Variants in MAGI2 observed in about 807,000 individuals in gnomAD.
The protein encoded by MAGI2 is membrane associated guanylate kinase, WW and PDZ domain containing 2, also known as membrane-associated guanylate kinase, WW and PDZ domain-containing protein 2.
A neutral mutation model predicts 133.3 loss-of-function variants in MAGI2; 35 were observed. The observed-to-expected ratio is 0.26, with a 90% CI of 0.20 to 0.35. The LOEUF (loss-of-function observed/expected upper bound fraction) is 0.35. MAGI2 is among the 10% of genes least tolerant of loss of function. The pLI is 1.00. For synonymous variants in MAGI2, 729 were observed against 710.6 expected, an observed-to-expected ratio of 1.03 and a Z score of -0.41; for missense variants, 1,636 against 1,863.4, an observed-to-expected ratio of 0.88 and a Z score of 2.25.
chr7:78,543,806 G>T (rs1276513343), intron 3 of MAGI2, among the ~76,000 whole-genome samples: 1 of 152,208 alleles, frequency 6.6e-6, no homozygotes, highest in Non-Finnish European at 1.5e-5. Context: ...TTTTAAAAAG[G>T]TGAGTGCTGA....
At chr7:79,338,207 G>T (rs1424419741) in intron 1 of MAGI2, among the ~76,000 whole-genome samples, 1 of 152,142 alleles carries the variant, frequency 6.6e-6, no homozygotes, top group Non-Finnish European at 1.5e-5. Flanking sequence ...TTGTTTATTT[G>T]TTGCTGTTCT....
At chr7:79,006,983 G>C (rs1807515212) in intron 2 of MAGI2, 107 bp downstream of exon 2, 1 of 773,216 alleles carries the variant, frequency 1.3e-6, no homozygotes, top group Admixed American at 2.9e-5. Flanking sequence ...TGTTCCAAAA[G>C]CCCACTATAA....
At chr7:78,792,068 T>A (rs986737027) in intron 2 of MAGI2, among the ~76,000 whole-genome samples, 1 of 152,172 alleles carries the variant, frequency 6.6e-6, no homozygotes, top group African/African-American at 2.4e-5. Context: ...ATGGTAAAAT[T>A]AGTCATTAGG....
At chr7:78,535,620 A>G (rs79086515) in intron 3 of MAGI2, among the ~76,000 whole-genome samples, 5,700 of 152,100 alleles carry the variant, frequency 0.037, 190 homozygotes, top group South Asian at 0.086. Context: ...TGCAGGCTGA[A>G]CTAACTTTGG....
At chr7:79,138,976 C>CAAAA (rs57907314) in intron 1 of MAGI2, among the ~76,000 whole-genome samples, 3 of 65,186 alleles carry the variant, frequency 4.6e-5, no homozygotes, top group Non-Finnish European at 6.1e-5. Flanking sequence ...ACTCTTGTCT[C>CAAAA]AAAAAAAAAA....
At chr7:79,012,085 A>C (rs922615645) in intron 1 of MAGI2, 2 of 152,012 alleles carry the variant, frequency 1.3e-5, no homozygotes, top group African/African-American at 4.8e-5. Context: ...TTCTTCCAGG[A>C]AATGGCTATA....
At chr7:79,324,311 T>C (rs886648825) in intron 1 of MAGI2, among the ~76,000 whole-genome samples, 3 of 150,948 alleles carry the variant, frequency 2.0e-5, no homozygotes, top group Non-Finnish European at 4.4e-5. Flanking sequence ...AAATATTCAA[T>C]AAAACTTAGG....
intron 2 of MAGI2, among the ~76,000 whole-genome samples, chr7:78,954,094 G>A (rs561166142): frequency 6.6e-6 from 1 of 151,990 alleles, no homozygotes; most frequent in African/African-American, 2.4e-5. Context: ...TTTAAGGTTC[G>A]CCTTTGTCAT....
chr7:79,287,412 G>T (rs957247137), intron 1 of MAGI2, among the ~76,000 whole-genome samples: 2 of 152,024 alleles, frequency 1.3e-5, no homozygotes, highest in Non-Finnish European at 2.9e-5. Flanking sequence ...CACCTTAGAC[G>T]CCTCCCTCCC....
chr7:78,863,059 A>C (rs995771306), intron 2 of MAGI2, among the ~76,000 whole-genome samples: 4 of 152,224 alleles, frequency 2.6e-5, no homozygotes, highest in Non-Finnish European at 5.9e-5. Flanking sequence ...CTTTATGTGG[A>C]TCCAAATAAA....
intron 15 of MAGI2, among the ~76,000 whole-genome samples, chr7:78,163,872 A>C (rs954230027): frequency 2.1e-5 from 3 of 145,652 alleles, no homozygotes; most frequent in Middle Eastern, 3.6e-3. Context: ...GCGCCACTGC[A>C]CTCCAGCCTG....
chr7:79,156,625 C>T (rs540039404), intron 1 of MAGI2, among the ~76,000 whole-genome samples: 47 of 152,142 alleles, frequency 3.1e-4, no homozygotes, highest in Middle Eastern at 3.4e-3. Flanking sequence ...ATTGCCCCAC[C>T]TTTCTGGACC....
intron 2 of MAGI2, among the ~76,000 whole-genome samples, chr7:78,914,331 C>A (rs1329968368): frequency 6.6e-6 from 1 of 151,936 alleles, no homozygotes; most frequent in Non-Finnish European, 1.5e-5. Context: ...CTACAAAGAA[C>A]AAATGTAATT....
At chr7:78,883,148 T>C (rs1415940399) in intron 2 of MAGI2, among the ~76,000 whole-genome samples, 1 of 152,118 alleles carries the variant, frequency 6.6e-6, no homozygotes, top group Non-Finnish European at 1.5e-5. Flanking sequence ...ATGACTTTAG[T>C]AAACTCCTAG....
intron 1 of MAGI2, among the ~76,000 whole-genome samples, chr7:79,293,125 A>G (rs941443352): frequency 5.9e-5 from 9 of 152,180 alleles, no homozygotes; most frequent in African/African-American, 2.2e-4. Flanking sequence ...TGAACAGAGC[A>G]TGTTTATTCC....
intron 1 of MAGI2, among the ~76,000 whole-genome samples, chr7:79,171,797 G>T (rs1585112588): frequency 1.9e-5 from 1 of 51,952 alleles, no homozygotes; most frequent in African/African-American, 4.5e-5. Context: ...CTTTTAAAGG[G>T]TCTCCAAAAT....
chr7:78,462,608 T>C (rs966906988), intron 6 of MAGI2, among the ~76,000 whole-genome samples: 3 of 152,234 alleles, frequency 2.0e-5, no homozygotes, highest in Non-Finnish European at 4.4e-5. Flanking sequence ...GCTGATTTAG[T>C]GGAAGCAAAT....
intron 6 of MAGI2, among the ~76,000 whole-genome samples, chr7:78,436,182 CA>C (rs1370977713): frequency 1.2e-4 from 19 of 152,102 alleles, no homozygotes; most frequent in African/African-American, 4.6e-4. Context: ...TTAATAGGCC[CA>C]CTTAGGGTTG....
chr7:79,372,040 A>C (rs974964564), intron 1 of MAGI2, among the ~76,000 whole-genome samples: 1 of 152,144 alleles, frequency 6.6e-6, no homozygotes, highest in African/African-American at 2.4e-5. Context: ...CTACTAGTGT[A>C]TCATTCTATT....
Sources: gnomAD v4.1 joint callset for allele counts (sites outside exome capture counted in the v4.1 genomes callset) on GRCh38, gnomAD v4.1.1 for gene constraint, MANE v1.5 for transcripts, NCBI Gene and HGNC (gene_info 2026-07-23, HGNC 2026-07-21) for gene names.